Variants in BCLAF1 observed in about 807,000 individuals in gnomAD.
BCLAF1 encodes the protein bcl-2-associated transcription factor 1.
In BCLAF1, 10 loss-of-function variants were observed where a neutral mutation model predicts 99.5. The ratio of observed to expected loss-of-function variants is 0.10; its 90% CI spans 0.06 to 0.17. BCLAF1 has a LOEUF of 0.17. BCLAF1 is among the 10% of genes least tolerant of loss of function. The pLI, the probability that BCLAF1 is intolerant of heterozygous loss-of-function variation, is 1.00. For synonymous variants in BCLAF1, 255 were observed against 370.9 expected, an observed-to-expected ratio of 0.69 and a Z score of 3.59; for missense variants, 636 against 1,105.8, an observed-to-expected ratio of 0.58 and a Z score of 6.02.
Position 136,260,328 on chromosome 6 carries a change from G to A in BCLAF1, c.*782C>T, listed in dbSNP as rs1348468763. The A allele has an allele frequency of 6.6e-6, 1 of 151,894 alleles. No individual in the cohort carries two copies. Among genetic ancestry groups the A allele is most frequent in the Non-Finnish European group, 1.5e-5 (1 of 67,894 alleles). 9.4% of individuals were successfully genotyped at this position (151,894 alleles called of 1,614,324 possible). ...CTATTTGCAGTATTGTTACAAACCAGTTTCCTCTCACAAATAGCTAATATC... is the reference window on the plus strand; with the variant it reads ...CTATTTGCAGTATTGTTACAAACCAATTTCCTCTCACAAATAGCTAATATC... On this transcript the variant is annotated 3_prime_UTR_variant, in exon 13 of 13. Transcript: ENST00000531224.
chr6:136,273,904 T>G (rs1782900354), intron 6 of BCLAF1: 1 of 994,558 alleles, frequency 1.0e-6, no homozygotes, highest in Non-Finnish European at 1.3e-6. Flanking sequence ...CTATGAAATG[T>G]CACATTATGA....
At chr6:136,274,654 G>A (rs553514901) in intron 6 of BCLAF1, among the ~76,000 whole-genome samples, 4 of 152,016 alleles carry the variant, frequency 2.6e-5, no homozygotes, top group African/African-American at 4.8e-5. Flanking sequence ...TTTTAAAAGC[G>A]GGGAGGGGAT....
At position 136,256,669 on chromosome 6, in the gene BCLAF1, C is replaced by CGATA. The variant is rs147870428; in HGVS notation, c.*4440_*4441insTATC. On this transcript the variant is annotated 3_prime_UTR_variant, in exon 13 of 13. Transcript: ENST00000531224. ...CTCTAGTCTGGGTAAGACTCCATCT[C>CGATA]AATAAATAAATAAATAAATAAATAA... 8 of 152,318 alleles carry CGATA rather than the reference C, an allele frequency of 5.3e-5. No homozygotes were observed. The highest frequency in any genetic ancestry group is 8.3e-5 in the Non-Finnish European group (6 of 72,440). 9.4% of individuals were successfully genotyped at this position (152,318 alleles called of 1,614,324 possible).
Position 136,284,130 on chromosome 6 carries a change from G to GTGTGTA in BCLAF1, c.-114-1444_-114-1443insTACACA, listed in dbSNP as rs36141174. The stretch of plus-strand genomic sequence containing the variant: ...TATACATATATATGTGTGTGTGTGT[G>GTGTGTA]TATATATATATATATATATATATAT... On this transcript the variant is annotated intron_variant, in intron 1 of 12. Coordinates refer to ENST00000531224, the MANE Select transcript of BCLAF1 (RefSeq NM_014739.3). Among the ~76,000 whole-genome samples, 334 of 122,080 alleles carry GTGTGTA rather than the reference G, an allele frequency of 2.7e-3. 2 individuals carry two copies. Among genetic ancestry groups the GTGTGTA allele is most frequent in the South Asian group, 0.014 (56 of 4,056 alleles). 80.1% of individuals were successfully genotyped at this position (122,080 alleles called of 152,430 possible). A position where few individuals can be genotyped will look rare whatever the true frequency, so the allele number is the denominator to read the frequency against.
intron 3 of BCLAF1, among the ~76,000 whole-genome samples, chr6:136,279,059 A>T (rs369280979): frequency 8.6e-5 from 13 of 151,710 alleles, no homozygotes; most frequent in African/African-American, 3.1e-4. Context: ...GCATTAGGAC[A>T]TATTAGCAAA....
Position 136,268,302 on chromosome 6 carries a change from A to G in BCLAF1, c.2257T>C (p.Ser753Pro), listed in dbSNP as rs1187106323. ...KREQDHSRSSSSSASPSSPSS... is the reference protein window; with the variant it reads ...KREQDHSRSSPSSASPSSPSS... ...GGAGAAGAAGGTGATGCTGAAGAGG[A>G]TGAAGATCGAGAATGATCTTGCTCT... Residue 753 changes from serine to proline, a missense_variant, in exon 10 of 13, where the codon TCC becomes CCC. This residue lies in a region of BCLAF1 where 180 missense variants were observed against 270.0 expected (regional missense o/e 0.67). Transcript: ENST00000531224. 6.2e-7 allele frequency: 1 copy of G among 1,608,076 alleles called. No homozygotes were observed. The highest frequency in any genetic ancestry group is 8.5e-7 in the Non-Finnish European group (1 of 1,177,622).
intron 1 of BCLAF1, among the ~76,000 whole-genome samples, chr6:136,287,414 T>C (rs971904609): frequency 2.0e-5 from 3 of 152,248 alleles, no homozygotes; most frequent in Non-Finnish European, 4.4e-5. Flanking sequence ...TTTTCAGCCT[T>C]AGGGACAGTC....
chr6:136,288,776 C>T (rs988689783), intron 1 of BCLAF1, among the ~76,000 whole-genome samples: 1 of 152,194 alleles, frequency 6.6e-6, no homozygotes, highest in African/African-American at 2.4e-5. Context: ...AAAATGAAGG[C>T]AAAGTCCAAT....
intron 1 of BCLAF1, among the ~76,000 whole-genome samples, chr6:136,287,681 C>T (rs1385317917): frequency 6.6e-6 from 1 of 152,178 alleles, no homozygotes; most frequent in Non-Finnish European, 1.5e-5. Flanking sequence ...ATTTCTAAGT[C>T]TTCTCATCAC....
chr6:136,273,029 G>C (rs1782749125), intron 7 of BCLAF1, 53 bp downstream of exon 7: 1 of 1,339,368 alleles, frequency 7.5e-7, no homozygotes, highest in East Asian at 2.3e-5. Flanking sequence ...TGTTTTAACA[G>C]TGTCTTCCTA....
rs925987760 is a variant in BCLAF1 at position 136,272,961 on chromosome 6, A to G, written c.1958+121T>C. ...AAGACTTTGAAATATATTTATTTAA[A>G]GTATAAATGAGGAATAATACTTGTA... On this transcript the variant is annotated intron_variant, in intron 7 of 12. Coordinates refer to ENST00000531224, the MANE Select transcript of BCLAF1 (RefSeq NM_014739.3). 12 of 580,962 alleles carry G rather than the reference A, an allele frequency of 2.1e-5. No homozygotes were observed. In the African/African-American group the frequency reaches 2.3e-4, roughly 11 times the overall value. The allele number at this position is 580,962 out of a possible 1,614,324, so 36.0% of individuals were successfully genotyped here. A position where few individuals can be genotyped will look rare whatever the true frequency, so the allele number is the denominator to read the frequency against.
chr6:136,260,966 G>T lies in BCLAF1; in HGVS notation c.*144C>A. The T allele has an allele frequency of 1.2e-6, 1 of 826,754 alleles. No homozygotes were observed. Among genetic ancestry groups the T allele is most frequent in the Non-Finnish European group, 1.8e-6 (1 of 552,242 alleles). The allele number at this position is 826,754 out of a possible 1,614,324, so 51.2% of individuals were successfully genotyped here. ...CAGTCTACTATTTCTCAAGATATTTGAAGACTTAAAACAAAATTTCTATAG... is the reference window on the plus strand; with the variant it reads ...CAGTCTACTATTTCTCAAGATATTTTAAGACTTAAAACAAAATTTCTATAG... On this transcript the variant is annotated 3_prime_UTR_variant, in exon 13 of 13. Coordinates refer to ENST00000531224, the MANE Select transcript of BCLAF1 (RefSeq NM_014739.3).
chr6:136,260,693 G>C lies in BCLAF1; in HGVS notation c.*417C>G, dbSNP rs1177576216. 2 of 220,716 alleles carry C rather than the reference G, an allele frequency of 9.1e-6. No homozygotes were observed. Among genetic ancestry groups the C allele is most frequent in the Admixed American group, 5.7e-5 (1 of 17,662 alleles). The allele number at this position is 220,716 out of a possible 1,614,324, so 13.7% of individuals were successfully genotyped here. A position where few individuals can be genotyped will look rare whatever the true frequency, so the allele number is the denominator to read the frequency against. On this transcript the variant is annotated 3_prime_UTR_variant, in exon 13 of 13. Coordinates refer to ENST00000531224, the MANE Select transcript of BCLAF1 (RefSeq NM_014739.3). ...CAGATGTATACAGTTAAAATAATTA[G>C]TGTAGTCTCTATAAACAATTTCTGT... is the stretch of plus-strand genomic sequence containing the variant.
chr6:136,272,495 C>T (rs1258817335), intron 7 of BCLAF1, among the ~76,000 whole-genome samples: 1 of 151,892 alleles, frequency 6.6e-6, no homozygotes, highest in Non-Finnish European at 1.5e-5. Flanking sequence ...GTATTGGCTG[C>T]AACTACCCAG....
chr6:136,284,094 T>TTATA lies in BCLAF1; in HGVS notation c.-114-1411_-114-1408dup, dbSNP rs1237540927. 3.7e-4 allele frequency among the ~76,000 whole-genome samples: 50 copies of TTATA among 136,080 alleles called. 1 individual carries two copies. The highest frequency in any genetic ancestry group is 1.2e-4 in the Non-Finnish European group (8 of 65,350). The allele number at this position is 136,080 out of a possible 152,430, so 89.3% of individuals were successfully genotyped here. On this transcript the variant is annotated intron_variant, in intron 1 of 12. Coordinates refer to ENST00000531224, the MANE Select transcript of BCLAF1 (RefSeq NM_014739.3). ...CCCTAAACAATTCCAAAAGGCTAAT[T>TTATA]TATATATATATATACATATATATGT...
rs1780853013 is a variant in BCLAF1 at position 136,260,736 on chromosome 6, G to C, written c.*374C>G. On this transcript the variant is annotated 3_prime_UTR_variant, in exon 13 of 13. Transcript: ENST00000531224. The stretch of plus-strand genomic sequence containing the variant: ...ATTTCTGTTCCAGGATTTATATGTA[G>C]AGCTAACGTTTACTTCAGAATAAAA... 3.4e-6 allele frequency: 1 copy of C among 295,976 alleles called. No homozygotes were observed. The allele number at this position is 295,976 out of a possible 1,614,324, so 18.3% of individuals were successfully genotyped here.
At position 136,260,418 on chromosome 6, in the gene BCLAF1, G is replaced by A. The variant is rs1237161423; in HGVS notation, c.*692C>T. The A allele has an allele frequency of 6.6e-6, 1 of 151,980 alleles. No homozygotes were observed. The highest frequency in any genetic ancestry group is 1.5e-5 in the Non-Finnish European group (1 of 67,894). 9.4% of individuals were successfully genotyped at this position (151,980 alleles called of 1,614,324 possible). ...GAACACACAGTTTTGAACGCAAATAGAAAAGGCTCCTAAGAATGTTCTTTA... is the reference window on the plus strand; with the variant it reads ...GAACACACAGTTTTGAACGCAAATAAAAAAGGCTCCTAAGAATGTTCTTTA... On this transcript the variant is annotated 3_prime_UTR_variant, in exon 13 of 13. Transcript: ENST00000531224.
At chr6:136,275,459 A>T in intron 6 of BCLAF1, 73 bp downstream of exon 6, 1 of 1,343,190 alleles carries the variant, frequency 7.4e-7, no homozygotes, top group Non-Finnish European at 9.9e-7. Context: ...ATGAATTATT[A>T]AGCATAATTA....
At position 136,256,669 on chromosome 6, in the gene BCLAF1, C is replaced by CAAAA. The variant is rs1554211227; in HGVS notation, c.*4440_*4441insTTTT. The CAAAA allele has an allele frequency of 6.6e-6, 1 of 152,318 alleles. No individual in the cohort carries two copies. The highest frequency in any genetic ancestry group is 2.6e-5 in the African/African-American group (1 of 39,162). 9.4% of individuals were successfully genotyped at this position (152,318 alleles called of 1,614,324 possible). A position where few individuals can be genotyped will look rare whatever the true frequency, so the allele number is the denominator to read the frequency against. ...CTCTAGTCTGGGTAAGACTCCATCT[C>CAAAA]AATAAATAAATAAATAAATAAATAA... is the stretch of plus-strand genomic sequence containing the variant. On this transcript the variant is annotated 3_prime_UTR_variant, in exon 13 of 13. Coordinates refer to ENST00000531224, the MANE Select transcript of BCLAF1 (RefSeq NM_014739.3).
Sources: allele counts gnomAD v4.1 joint callset (sites outside exome capture counted in the v4.1 genomes callset), GRCh38; gene constraint gnomAD v4.1.1; regional missense constraint gnomAD v4.1.1; transcripts MANE v1.5; gene names NCBI Gene and HGNC (gene_info 2026-07-23, HGNC 2026-07-21).